Variants in ACSF3 observed in about 807,000 individuals in gnomAD.
ACSF3 encodes the protein malonate--CoA ligase ACSF3, mitochondrial.
A neutral mutation model predicts 53.2 loss-of-function variants in ACSF3; 78 were observed. The ratio of observed to expected loss-of-function variants is 1.47; its 90% confidence interval spans 1.22 to 1.77. ACSF3 has a LOEUF of 1.77. ACSF3 is among the 40% of genes most tolerant of loss of function. The pLI is 0.00. For synonymous variants in ACSF3, 414 were observed against 333.1 expected (o/e 1.24, Z -2.65); for missense variants, 937 against 771.1 (o/e 1.22, Z -2.55).
chr16:89,145,471 C>T (rs1055289395), intron 9 of ACSF3, 70 bp downstream of exon 9: 41 of 1,586,082 alleles, frequency 2.6e-5, no homozygotes, highest in Middle Eastern at 1.9e-4. Context: ...GAGTTTTAGA[C>T]GACTGCAGAT....
chr16:89,151,053 A>G (rs906691674), intron 10 of ACSF3: 1 of 1,288,938 alleles, frequency 7.8e-7, no homozygotes, highest in African/African-American at 1.5e-5. Flanking sequence ...AACCAAGAGG[A>G]GAGAAAACAG....
rs4782448 is a variant in ACSF3, at chr16:89,115,462, A to G, written c.1126+975A>G. ...CTGCTTCCGCCCGGCTTCCGCCCAC[A>G]GTCAACTGCCTGTGCTGTGTGCGTC... On this transcript the variant is annotated intron_variant, in intron 6 of 10. Coordinates refer to ENST00000614302, the MANE Select transcript of ACSF3 (RefSeq NM_001243279.3). Among the ~76,000 whole-genome samples, 1,182 of 152,296 alleles carry G rather than the reference A, an allele frequency of 7.8e-3. 28 individuals are homozygous for G. Among genetic ancestry groups the G allele is most frequent in the Admixed American group, 0.054 (832 of 15,308 alleles).
chr16:89,146,727 T>C (rs1163549559), intron 10 of ACSF3, among the ~76,000 whole-genome samples: 2 of 152,222 alleles, frequency 1.3e-5, no homozygotes, highest in Non-Finnish European at 2.9e-5. Context: ...TTTTTTGTTT[T>C]GCCTTTACCT....
At position 89,145,389 on chromosome 16, in the gene ACSF3, C is replaced by T. The variant is rs757673639; in HGVS notation, c.1489C>T (p.Pro497Ser). The T allele has an allele frequency of 5.0e-6, 8 of 1,614,130 alleles. No individual in the cohort carries two copies. In the East Asian group the frequency reaches 1.3e-4, roughly 27 times the overall value. ...GGTGGAGTGGCACCTGCTGGCCCAC[C>T]CCAGCATCACAGGTGCGTGGCCGGA... is the stretch of plus-strand genomic sequence containing the variant. ...LEVEWHLLAH[P>S]SITDVAVIGV... The change falls in exon 9 of 11, where the codon CCC becomes TCC. Residue 497 changes from proline (P) to serine (S), a missense_variant. Physicochemically the swap from Pro to Ser is moderately conservative, Grantham distance 74 (BLOSUM62 -1). Transcript: ENST00000614302.
At chr16:89,142,532 GAC>G in intron 8 of ACSF3, among the ~76,000 whole-genome samples, 1 of 81,414 alleles carries the variant, frequency 1.2e-5, no homozygotes, top group Non-Finnish European at 2.4e-5. Flanking sequence ...CACACCTGCA[GAC>G]ACACCCACAC....
intron 10 of ACSF3, among the ~76,000 whole-genome samples, chr16:89,146,480 C>T (rs1912983026): frequency 1.3e-5 from 2 of 152,210 alleles, no homozygotes; most frequent in African/African-American, 2.4e-5. Flanking sequence ...CGCCCCAAAG[C>T]CAGTGCTGGG....
intron 8 of ACSF3, among the ~76,000 whole-genome samples, chr16:89,133,731 A>G (rs1909828211): frequency 1.3e-5 from 2 of 152,214 alleles, no homozygotes; most frequent in Admixed American, 1.3e-4. Flanking sequence ...CAGAGTCAGA[A>G]GTCAGCTGAC....
chr16:89,134,208 C>A (rs560011397), intron 8 of ACSF3, among the ~76,000 whole-genome samples: 1 of 152,276 alleles, frequency 6.6e-6, no homozygotes, highest in South Asian at 2.1e-4. Context: ...TGGCAAGCGT[C>A]GTGTTCTCTG....
intron 8 of ACSF3, chr16:89,141,229 A>G (rs1463739455): frequency 2.3e-6 from 3 of 1,287,250 alleles, no homozygotes; most frequent in Non-Finnish European, 3.0e-6. Context: ...CCAGCCTGGA[A>G]GAACAAAACC....
intron 7 of ACSF3, among the ~76,000 whole-genome samples, chr16:89,132,482 C>T (rs1394131754): frequency 1.3e-5 from 2 of 152,234 alleles, no homozygotes; most frequent in African/African-American, 2.4e-5. Flanking sequence ...AGCCTCCCTC[C>T]CGCCCTCTCC....
In ACSF3 at chr16:89,147,222, C is replaced by T. The variant is rs1476972201; in HGVS notation, c.1613+1173C>T. On this transcript the variant is annotated intron_variant, in intron 10 of 10. Coordinates refer to ENST00000614302, the MANE Select transcript of ACSF3 (RefSeq NM_001243279.3). ...GAGTGAGTGAGAGAGGAGGGAGGGT[C>T]CACAGAGTGAGTGAGGGAGGAGGGA... Among the ~76,000 whole-genome samples the T allele has an allele frequency of 1.8e-3, 115 of 63,538 alleles. 3 individuals carry two copies. The highest frequency in any genetic ancestry group is 4.0e-3 in the African/African-American group (56 of 14,076). 41.7% of individuals were successfully genotyped at this position (63,538 alleles called of 152,430 possible).
Position 89,155,628 on chromosome 16 carries a change from C to G in ACSF3, c.*1421C>G, listed in dbSNP as rs1325777988. The G allele has an allele frequency of 6.6e-6, 3 of 454,100 alleles. No homozygotes were observed. The highest frequency in any genetic ancestry group is 4.7e-5 in the South Asian group (3 of 64,472). The allele number at this position is 454,100 out of a possible 1,614,324, so 28.1% of individuals were successfully genotyped here. On this transcript the variant is annotated 3_prime_UTR_variant, in exon 11 of 11. Coordinates refer to ENST00000614302, the MANE Select transcript of ACSF3 (RefSeq NM_001243279.3). ...AGGGGTCCCGCCCTCCCGCCAGAGG[C>G]CTGGACCCAAGGGAACGGCAGTCAG... is the stretch of plus-strand genomic sequence containing the variant.
At chr16:89,095,490 G>T (rs527439556) in intron 1 of ACSF3, among the ~76,000 whole-genome samples, 1 of 151,914 alleles carries the variant, frequency 6.6e-6, no homozygotes. Context: ...CAGGTGTGAT[G>T]CTGAAACGCA....
rs201003194 is a variant in ACSF3, at chr16:89,120,912, A to T, written c.1238A>T (p.Lys413Met). Residue 413 changes from lysine (K) to methionine (M), a missense_variant and splice_region_variant, in exon 7 of 11, where the codon AAG becomes ATG. Lys to Met is a moderately conservative substitution (Grantham distance 95, BLOSUM62 -1). Coordinates refer to ENST00000614302, the MANE Select transcript of ACSF3 (RefSeq NM_001243279.3). ...GCAGAGGGAGACGAGAGGGGGACCA[A>T]GGTAAGCCACTCTGCTCTTGGCAGG... ...IHAEGDERGT[K>M]VTPGFEEKEG... 6.1e-5 allele frequency: 99 copies of T among 1,613,462 alleles called. No individual in the cohort carries two copies. Among genetic ancestry groups the T allele is most frequent in the Non-Finnish European group, 8.1e-5 (96 of 1,179,774 alleles).
intron 1 of ACSF3, among the ~76,000 whole-genome samples, chr16:89,097,740 G>A (rs1033862488): frequency 2.7e-5 from 4 of 149,682 alleles, no homozygotes; most frequent in South Asian, 4.2e-4. Context: ...TGTGTGGGCG[G>A]ACCAGCCACT....
chr16:89,119,659 A>G (rs1337780523), intron 6 of ACSF3, among the ~76,000 whole-genome samples: 1 of 152,216 alleles, frequency 6.6e-6, no homozygotes, highest in Non-Finnish European at 1.5e-5. Context: ...GTTTCTGACC[A>G]GAGTGGAGGT....
At chr16:89,101,684 TGGTCA>T (rs1173522301) in intron 3 of ACSF3, among the ~76,000 whole-genome samples, 4 of 152,232 alleles carry the variant, frequency 2.6e-5, no homozygotes, top group African/African-American at 9.6e-5. Context: ...TTAGGATGCG[TGGTCA>T]GGACCCCACA....
At chr16:89,113,737 A>G (rs898258438) in intron 5 of ACSF3, 2 of 183,768 alleles carry the variant, frequency 1.1e-5, no homozygotes, top group African/African-American at 4.7e-5. Flanking sequence ...GGGGACTCGG[A>G]GTTCTCAGGG....
intron 8 of ACSF3, among the ~76,000 whole-genome samples, chr16:89,144,292 C>T (rs947209062): frequency 2.6e-5 from 4 of 152,342 alleles, no homozygotes; most frequent in Non-Finnish European, 4.4e-5. Flanking sequence ...AGGAACTGCA[C>T]GGGGAGGAGC....
Sources: gnomAD v4.1 joint callset for allele counts (sites outside exome capture counted in the v4.1 genomes callset) on GRCh38, gnomAD v4.1.1 for gene constraint, MANE v1.5 for transcripts, NCBI Gene and HGNC (gene_info 2026-07-23, HGNC 2026-07-21) for gene names.